Variants in LEKR1 observed in about 807,000 individuals in gnomAD.
The protein encoded by LEKR1 is leucine, glutamate and lysine rich 1.
In LEKR1, 59 loss-of-function variants were observed where a neutral mutation model predicts 72.4. The ratio of observed to expected loss-of-function variants is 0.82; its 90% CI spans 0.66 to 1.01. The LOEUF (loss-of-function observed/expected upper bound fraction) is 1.01, where lower values mean the gene tolerates loss of function less well. LEKR1 is among the 50% of genes least tolerant of loss of function. LEKR1 has a pLI of 0.00. For missense variants in LEKR1, 728 were observed against 759.2 expected (o/e 0.96, Z 0.48); for synonymous variants, 257 against 263.2 (o/e 0.98, Z 0.23).
Position 157,045,706 on chromosome 3 carries a change from C to G in LEKR1, c.2035C>G (p.Gln679Glu), listed in dbSNP as rs140398595. ...AGCATCTTCAGCAAATGAGACTAGA[C>G]AGAGACTGGCTGCCATTCTTAGGAG... Reference protein sequence around the residue: ...GGASSANETRQRLAAILRRRR... With the variant: ...GGASSANETRERLAAILRRRR... The change falls in exon 13 of 13, where the codon CAG (glutamine) becomes GAG (glutamate). Residue 679 changes from glutamine (Q) to glutamate (E), a missense_variant. Gln to Glu is a conservative substitution (Grantham distance 29). Coordinates refer to ENST00000356539, the MANE Select transcript of LEKR1 (RefSeq NM_001004316.3). 1.2e-6 allele frequency: 2 copies of G among 1,612,624 alleles called. No individual in the cohort carries two copies. The highest frequency in any genetic ancestry group is 2.2e-5 in the East Asian group (1 of 44,874).
intron 3 of LEKR1, among the ~76,000 whole-genome samples, chr3:156,890,050 ACCT>A: frequency 6.6e-6 from 1 of 152,130 alleles, no homozygotes. Context: ...AGATGGATCT[ACCT>A]AATAGCAAAA....
intron 2 of LEKR1, among the ~76,000 whole-genome samples, chr3:156,837,088 G>T (rs1160565196): frequency 2.0e-5 from 3 of 152,142 alleles, no homozygotes; most frequent in Non-Finnish European, 4.4e-5. Context: ...TAAAAAAAAT[G>T]GTATACTCAG....
intron 4 of LEKR1, among the ~76,000 whole-genome samples, 180 bp from the exon 5 acceptor site, chr3:156,927,249 T>G (rs1724803747): frequency 6.6e-6 from 1 of 151,964 alleles, no homozygotes; most frequent in African/African-American, 2.4e-5. Context: ...CACTTCACTC[T>G]ATCTGAGATA....
chr3:156,992,609 T>C, intron 7 of LEKR1, 44 bp from the exon 8 acceptor site: 1 of 378,780 alleles, frequency 2.6e-6, no homozygotes, highest in Non-Finnish European at 4.3e-6. Flanking sequence ...AACATATACT[T>C]TATTTTGAAA....
At chr3:157,013,917 T>A (rs1381066620) in intron 10 of LEKR1, among the ~76,000 whole-genome samples, 2 of 152,136 alleles carry the variant, frequency 1.3e-5, no homozygotes, top group African/African-American at 2.4e-5. Flanking sequence ...GCAATTTGTG[T>A]CTGTGCTTAA....
At chr3:157,030,835 C>T (rs1577020436) in intron 12 of LEKR1, among the ~76,000 whole-genome samples, 1 of 152,146 alleles carries the variant, frequency 6.6e-6, no homozygotes. Flanking sequence ...TGGCCAGAGG[C>T]TTCCCTCAGT....
At chr3:156,986,410 A>C (rs1055528405) in intron 7 of LEKR1, among the ~76,000 whole-genome samples, 7 of 152,174 alleles carry the variant, frequency 4.6e-5, no homozygotes, top group African/African-American at 1.7e-4. Flanking sequence ...AAGGCTGTGC[A>C]TTCATGCAAG....
intron 6 of LEKR1, among the ~76,000 whole-genome samples, chr3:156,970,935 A>G (rs1031414438): frequency 6.6e-6 from 1 of 151,932 alleles, no homozygotes. Flanking sequence ...TATAGATTCA[A>G]TGCCATCCCC....
chr3:156,843,784 G>T (rs1362186367), intron 2 of LEKR1, among the ~76,000 whole-genome samples: 1 of 151,988 alleles, frequency 6.6e-6, no homozygotes, highest in Non-Finnish European at 1.5e-5. Context: ...AAAAGAAAGT[G>T]GTCATACAAA....
intron 2 of LEKR1, among the ~76,000 whole-genome samples, chr3:156,836,504 A>C (rs998444402): frequency 6.6e-6 from 1 of 152,246 alleles, no homozygotes; most frequent in Admixed American, 6.5e-5. Context: ...ACTTTTAGTT[A>C]AGCCAACTTT....
chr3:157,024,999 T>A, intron 11 of LEKR1, 75 bp downstream of exon 11: 2 of 958,744 alleles, frequency 2.1e-6, no homozygotes, highest in Non-Finnish European at 3.2e-6. Context: ...CTTAGAACAC[T>A]ACAGTATTTA....
intron 2 of LEKR1, among the ~76,000 whole-genome samples, chr3:156,841,867 C>T (rs548848228): frequency 5.9e-5 from 9 of 152,218 alleles, no homozygotes; most frequent in African/African-American, 1.9e-4. Context: ...AGAGAGAGAT[C>T]GGGGTCCCCA....
chr3:156,997,903 A>T (rs1429184989), intron 9 of LEKR1, among the ~76,000 whole-genome samples: 1 of 152,206 alleles, frequency 6.6e-6, no homozygotes, highest in East Asian at 1.9e-4. Context: ...TCAGCTGAGG[A>T]AGTGAAAGGT....
chr3:156,975,865 A>G (rs1183277373), intron 6 of LEKR1, among the ~76,000 whole-genome samples: 1 of 152,056 alleles, frequency 6.6e-6, no homozygotes, highest in African/African-American at 2.4e-5. Flanking sequence ...TGCTTCCTTT[A>G]TTTTTGTAGG....
intron 7 of LEKR1, among the ~76,000 whole-genome samples, chr3:156,980,982 T>TATA (rs1215523392): frequency 6.6e-6 from 1 of 152,206 alleles, no homozygotes; most frequent in Non-Finnish European, 1.5e-5. Context: ...CCTATAAGAT[T>TATA]ATAATACCGT....
chr3:156,956,300 C>G (rs1727630019), intron 6 of LEKR1, among the ~76,000 whole-genome samples: 1 of 151,936 alleles, frequency 6.6e-6, no homozygotes, highest in African/African-American at 2.4e-5. Context: ...CCTTCAGCTT[C>G]TTGGCATCAA....
chr3:156,926,969 C>T (rs1439987787), intron 4 of LEKR1, among the ~76,000 whole-genome samples: 1 of 151,844 alleles, frequency 6.6e-6, no homozygotes, highest in Non-Finnish European at 1.5e-5. Context: ...GAAGCAAATG[C>T]ACTGGATCAG....
chr3:156,921,952 T>C (rs1021111879), intron 4 of LEKR1, among the ~76,000 whole-genome samples: 5 of 152,208 alleles, frequency 3.3e-5, no homozygotes, highest in African/African-American at 1.2e-4. Flanking sequence ...TCTAATTTTG[T>C]CATCATTTTG....
intron 5 of LEKR1, among the ~76,000 whole-genome samples, chr3:156,939,117 C>A (rs992950057): frequency 1.3e-5 from 2 of 152,130 alleles, no homozygotes; most frequent in Non-Finnish European, 2.9e-5. Flanking sequence ...TCCCCAAATT[C>A]ATATACTGAA....
Sources: allele counts gnomAD v4.1 joint callset (sites outside exome capture counted in the v4.1 genomes callset), GRCh38; gene constraint gnomAD v4.1.1; transcripts MANE v1.5; gene names NCBI Gene and HGNC (gene_info 2026-07-23, HGNC 2026-07-21).